Variants in ATG4C observed in about 807,000 individuals in gnomAD.
ATG4C encodes autophagy related 4C cysteine peptidase.
Under a neutral mutation model 57.6 loss-of-function variants are expected in ATG4C, and 56 were observed. The observed-to-expected ratio is 0.97, with a 90% CI of 0.78 to 1.21. ATG4C has a LOEUF of 1.21. Among genes scored for constraint, ATG4C ranks in the 50% most tolerant of loss-of-function variants. The probability of loss-of-function intolerance (pLI) is 0.00; values close to 1 mark genes in which losing one functional copy is unlikely to be tolerated. For synonymous variants in ATG4C, 157 were observed against 174.1 expected (o/e 0.90, Z 0.78); for missense variants, 595 against 529.8 (o/e 1.12, Z -1.21).
chr1:62,802,590 A>G (rs923724354), intron 1 of ATG4C, among the ~76,000 whole-genome samples: 1 of 152,076 alleles, frequency 6.6e-6, no homozygotes, highest in Non-Finnish European at 1.5e-5. Context: ...CCATGCTGCT[A>G]TTGAAGTAAA....
At chr1:62,806,329 A>AT (rs1212509811) in intron 3 of ATG4C, among the ~76,000 whole-genome samples, 2 of 152,058 alleles carry the variant, frequency 1.3e-5, no homozygotes, top group Non-Finnish European at 2.9e-5. Flanking sequence ...ATTACAGAGG[A>AT]AGATCTTGAG....
intron 1 of ATG4C, among the ~76,000 whole-genome samples, chr1:62,795,093 G>A (rs902254074): frequency 8.5e-5 from 13 of 152,164 alleles, no homozygotes; most frequent in African/African-American, 3.1e-4. Context: ...CTGAGCATTC[G>A]CAAATTCCAG....
chr1:62,863,463 C>T (rs1572186062), intron 10 of ATG4C, among the ~76,000 whole-genome samples: 1 of 151,948 alleles, frequency 6.6e-6, no homozygotes, highest in African/African-American at 2.4e-5. Flanking sequence ...TGATCTTAGC[C>T]AAAAAGCCGA....
At chr1:62,811,365 C>A (rs369783587) in intron 3 of ATG4C, among the ~76,000 whole-genome samples, 1 of 152,160 alleles carries the variant, frequency 6.6e-6, no homozygotes, top group East Asian at 1.9e-4. Context: ...GAGCTACAAA[C>A]TTATTTCCTT....
chr1:62,842,256 C>T (rs1425929444), intron 10 of ATG4C, among the ~76,000 whole-genome samples: 1 of 150,348 alleles, frequency 6.7e-6, no homozygotes, highest in Non-Finnish European at 1.5e-5. Flanking sequence ...AGTAGTTAGG[C>T]TATCATTTTA....
At chr1:62,838,734 C>T (rs545360063) in intron 9 of ATG4C, among the ~76,000 whole-genome samples, 14 of 151,122 alleles carry the variant, frequency 9.3e-5, no homozygotes, top group Non-Finnish European at 1.6e-4. Flanking sequence ...GAGCAGAGAT[C>T]GCACCACTGC....
chr1:62,816,434 T>C (rs1243101423), intron 3 of ATG4C, 141 bp from the exon 4 acceptor site: 2 of 612,794 alleles, frequency 3.3e-6, no homozygotes, highest in African/African-American at 3.8e-5. Context: ...GATTTTCATA[T>C]CTTTATTTTA....
intron 3 of ATG4C, among the ~76,000 whole-genome samples, chr1:62,811,604 G>A (rs1381442814): frequency 6.6e-6 from 1 of 152,134 alleles, no homozygotes. Context: ...CACCTGGCTA[G>A]CATTTTTTCA....
In ATG4C at chr1:62,819,246, T is replaced by C; in HGVS notation, c.636T>C (p.Phe212=). ...TTGGTGATTCCCCCTTGGCTCTTTT[T>C]GGCTTACATCAACTAATAGAATATG... is the stretch of plus-strand genomic sequence containing the variant. ...SWFGDSPLAL[F]GLHQLIEYGK... is the part of the protein sequence containing the mutation. Residue 212 remains phenylalanine, a synonymous_variant, in exon 5 of 11, where the codon TTT becomes TTC. Coordinates refer to ENST00000317868, the MANE Select transcript of ATG4C (RefSeq NM_032852.4). The C allele has an allele frequency of 6.2e-7, 1 of 1,613,620 alleles. No individual in the cohort carries two copies. The highest frequency in any genetic ancestry group is 8.5e-7 in the Non-Finnish European group (1 of 1,179,706).
intron 10 of ATG4C, among the ~76,000 whole-genome samples, chr1:62,860,757 G>A (rs977015179): frequency 2.0e-5 from 3 of 152,180 alleles, no homozygotes; most frequent in Non-Finnish European, 4.4e-5. Flanking sequence ...CCCCTACATA[G>A]GGTATAGCTC....
At chr1:62,828,189 G>T (rs1045518115) in intron 6 of ATG4C, among the ~76,000 whole-genome samples, 1 of 152,068 alleles carries the variant, frequency 6.6e-6, no homozygotes, top group Admixed American at 6.6e-5. Flanking sequence ...TAGGTCAAAT[G>T]GTAGTTTTGT....
chr1:62,833,569 T>C (rs1156512915), intron 7 of ATG4C, among the ~76,000 whole-genome samples: 1 of 152,166 alleles, frequency 6.6e-6, no homozygotes. Context: ...GTGAATGCCA[T>C]TGATTAGAAA....
intron 4 of ATG4C, among the ~76,000 whole-genome samples, chr1:62,818,205 ATTG>A (rs1480412317): frequency 1.3e-5 from 2 of 152,166 alleles, no homozygotes; most frequent in East Asian, 3.8e-4. Context: ...CTATTAGAGA[ATTG>A]TTATTACTCT....
intron 1 of ATG4C, among the ~76,000 whole-genome samples, chr1:62,784,550 C>A (rs1664018758): frequency 6.6e-6 from 1 of 152,156 alleles, no homozygotes; most frequent in Non-Finnish European, 1.5e-5. Flanking sequence ...TTAGATGTTG[C>A]AGGCAAGACT....
chr1:62,835,583 C>G lies in ATG4C; in HGVS notation c.1089+731C>G, dbSNP rs534579475. The G allele has an allele frequency of 2.1e-4, 35 of 166,806 alleles. No individual in the cohort carries two copies. The South Asian group carries it at 4.2e-3, about 20-fold the overall frequency. The allele number at this position is 166,806 out of a possible 1,614,324, so 10.3% of individuals were successfully genotyped here. On this transcript the variant is annotated intron_variant, in intron 9 of 10. Coordinates refer to ENST00000317868, the MANE Select transcript of ATG4C (RefSeq NM_032852.4). ...AGGACTTGATGAGTTGCAAATATAG[C>G]TGAATACTTTGTTTTAGTAATTGCT...
At chr1:62,830,998 A>G (rs542208705) in intron 7 of ATG4C, among the ~76,000 whole-genome samples, 3 of 152,170 alleles carry the variant, frequency 2.0e-5, no homozygotes, top group Non-Finnish European at 2.9e-5. Context: ...TCAGATAGCA[A>G]ACTGGTAGCA....
At chr1:62,822,577 G>A (rs72917258) in intron 6 of ATG4C, among the ~76,000 whole-genome samples, 5,889 of 152,204 alleles carry the variant, frequency 0.039, 390 homozygotes, top group African/African-American at 0.13. Flanking sequence ...GAAATGGTTT[G>A]TGTAATTTGA....
intron 10 of ATG4C, among the ~76,000 whole-genome samples, chr1:62,850,854 G>GTGTGTGTATATATA (rs1402010901): frequency 1.2e-5 from 1 of 84,120 alleles, no homozygotes; most frequent in African/African-American, 3.4e-5. Context: ...GTGTATGTAT[G>GTGTGTGTATATATA]TATATATATA....
chr1:62,822,404 A>G (rs1665511115), intron 6 of ATG4C, among the ~76,000 whole-genome samples: 1 of 152,182 alleles, frequency 6.6e-6, no homozygotes, highest in Non-Finnish European at 1.5e-5. Context: ...AAGTCTTGAA[A>G]AACATTTGCT....
Sources: allele counts gnomAD v4.1 joint callset (sites outside exome capture counted in the v4.1 genomes callset), GRCh38; gene constraint gnomAD v4.1.1; transcripts MANE v1.5; gene names NCBI Gene and HGNC (gene_info 2026-07-23, HGNC 2026-07-21).